Variants in COL18A1 observed in about 807,000 individuals in gnomAD.
COL18A1 encodes the protein collagen type XVIII alpha 1 chain, also known as collagen alpha-1(XVIII) chain.
COL18A1 carries 133 observed loss-of-function variants against 168.0 expected under a neutral mutation model. The observed-to-expected ratio is 0.79, with a 90% CI of 0.69 to 0.91. COL18A1 has a LOEUF of 0.91. Among genes scored for constraint, COL18A1 ranks in the 40% least tolerant of loss-of-function variants. The pLI, the probability that COL18A1 is intolerant of heterozygous loss-of-function variation, is 0.00. For synonymous variants in COL18A1, 949 were observed against 809.0 expected, an observed-to-expected ratio of 1.17 and a Z score of -2.94; for missense variants, 2,126 against 1,925.4, an observed-to-expected ratio of 1.10 and a Z score of -1.95.
At chr21:45,489,161 G>A (rs895059719) in intron 18 of COL18A1, among the ~76,000 whole-genome samples, 10 of 152,238 alleles carry the variant, frequency 6.6e-5, no homozygotes, top group African/African-American at 2.2e-4. Context: ...TCAAAAGGCT[G>A]ACTTATGGGA....
intron 2 of COL18A1, chr21:45,422,471 G>C (rs1351312526): frequency 1.9e-6 from 1 of 531,054 alleles, no homozygotes; most frequent in South Asian, 1.4e-5. Flanking sequence ...GGACAGAATA[G>C]ATGGCAGAAG....
At chr21:45,454,155 C>G (rs2034721692) in intron 2 of COL18A1, among the ~76,000 whole-genome samples, 1 of 152,216 alleles carries the variant, frequency 6.6e-6, no homozygotes, top group African/African-American at 2.4e-5. Flanking sequence ...CACTGACATG[C>G]AGATGTTTGC....
chr21:45,492,906 C>T (rs1474639284), intron 24 of COL18A1, among the ~76,000 whole-genome samples, 193 bp downstream of exon 24: 3 of 152,188 alleles, frequency 2.0e-5, no homozygotes, highest in Non-Finnish European at 4.4e-5. Context: ...TGGGTGGGCA[C>T]CCGTGAGGGT....
intron 14 of COL18A1, 77 bp from the exon 15 acceptor site, chr21:45,482,718 T>C: frequency 6.2e-7 from 1 of 1,610,000 alleles, no homozygotes; most frequent in Non-Finnish European, 8.5e-7. Context: ...GCACAGTTCC[T>C]GGCAGGGCGA....
At chr21:45,500,490 C>G (rs111164052) in intron 32 of COL18A1, among the ~76,000 whole-genome samples, 905 of 16,170 alleles carry the variant, frequency 0.056, 25 homozygotes, top group Middle Eastern at 0.071. Context: ...TGGTGTGTTG[C>G]GTGTGTAGTG....
intron 15 of COL18A1, 32 bp downstream of exon 15, chr21:45,482,853 C>T (rs1246455370): frequency 6.2e-7 from 1 of 1,614,146 alleles, no homozygotes; most frequent in Admixed American, 1.7e-5. Context: ...CATCAGTCCC[C>T]TGCCCCTGGT....
At chr21:45,411,778 A>AGGGGGG (rs1569273645) in intron 2 of COL18A1, among the ~76,000 whole-genome samples, 9 of 108,306 alleles carry the variant, frequency 8.3e-5, no homozygotes, top group African/African-American at 2.5e-4. Flanking sequence ...GGGGGGGGGC[A>AGGGGGG]GGCTGTGGTC....
At chr21:45,467,980 A>C (rs1214595376) in intron 2 of COL18A1, among the ~76,000 whole-genome samples, 1 of 152,178 alleles carries the variant, frequency 6.6e-6, no homozygotes, top group Non-Finnish European at 1.5e-5. Context: ...TGTCCCGTGC[A>C]GACACCATGT....
Position 45,405,396 on chromosome 21 carries a change from C to A in COL18A1, c.29C>A (p.Pro10Gln). The change falls in exon 2 of 42, where the codon CCG becomes CAG. Residue 10 changes from proline (P) to glutamine (Q), a missense_variant. Transcript: ENST00000651438. ...CCGCGCAGGTGCCCCTGGCCATGGC[C>A]GCGGCGGCGGCGCCTCCTGGACGTG... is the stretch of plus-strand genomic sequence containing the variant. MAPRCPWPW[P>Q]RRRRLLDVLA... The A allele has an allele frequency of 7.6e-7, 1 of 1,311,344 alleles. No individual in the cohort carries two copies. The highest frequency in any genetic ancestry group is 1.9e-5 in the South Asian group (1 of 51,542). The allele number at this position is 1,311,344 out of a possible 1,614,324, so 81.2% of individuals were successfully genotyped here.
intron 2 of COL18A1, among the ~76,000 whole-genome samples, chr21:45,441,598 C>G (rs2034371577): frequency 6.6e-6 from 1 of 152,216 alleles, no homozygotes; most frequent in African/African-American, 2.4e-5. Context: ...GTTCCCCCTG[C>G]TCCTCTCCGT....
chr21:45,455,777 C>G (rs1219111060), intron 2 of COL18A1: 5 of 1,613,590 alleles, frequency 3.1e-6, no homozygotes, highest in Non-Finnish European at 4.2e-6. Flanking sequence ...CCCTGAGCCA[C>G]CCTCAGAGCT....
chr21:45,499,962 G>A (rs1415795737), intron 32 of COL18A1, among the ~76,000 whole-genome samples: 1 of 152,202 alleles, frequency 6.6e-6, no homozygotes, highest in Non-Finnish European at 1.5e-5. Flanking sequence ...TACATCCATT[G>A]AAGGACAGAC....
intron 2 of COL18A1, among the ~76,000 whole-genome samples, chr21:45,442,196 A>G (rs1057146683): frequency 6.6e-6 from 1 of 152,006 alleles, no homozygotes; most frequent in African/African-American, 2.4e-5. Context: ...GACACTGGCC[A>G]TGACTGGATA....
At position 45,513,633 on chromosome 21, in the gene COL18A1, T is replaced by C. The variant is rs1441665870; in HGVS notation, c.*1235T>C. Reference sequence around the variant, plus strand: ...AGCCAACACGCACCTGCCTCAGGACTGCGACGAAACCGGTGGGGCTGGTTC... The same window carrying C: ...AGCCAACACGCACCTGCCTCAGGACCGCGACGAAACCGGTGGGGCTGGTTC... On this transcript the variant is annotated 3_prime_UTR_variant, in exon 42 of 42. Coordinates refer to ENST00000651438, the MANE Select transcript of COL18A1 (RefSeq NM_001379500.1). 6.6e-6 allele frequency: 1 copy of C among 152,276 alleles called. No individual in the cohort carries two copies. Among genetic ancestry groups the C allele is most frequent in the Non-Finnish European group, 1.5e-5 (1 of 68,056 alleles). The allele number at this position is 152,276 out of a possible 1,614,324, so 9.4% of individuals were successfully genotyped here. A position where few individuals can be genotyped will look rare whatever the true frequency, so the allele number is the denominator to read the frequency against.
intron 41 of COL18A1, 68 bp downstream of exon 41, chr21:45,511,294 T>C: frequency 1.2e-6 from 1 of 808,332 alleles, no homozygotes; most frequent in Non-Finnish European, 2.1e-6. Context: ...GGCGGGCTCC[T>C]ATCTGCAGTT....
At chr21:45,484,341 A>T (rs1471166840) in intron 15 of COL18A1, among the ~76,000 whole-genome samples, 2 of 137,992 alleles carry the variant, frequency 1.4e-5, no homozygotes, top group Non-Finnish European at 3.1e-5. Flanking sequence ...GCACACACAC[A>T]TCTCCAGCAT....
intron 2 of COL18A1, chr21:45,408,436 A>C (rs2033187412): frequency 6.6e-6 from 1 of 152,252 alleles, no homozygotes; most frequent in Non-Finnish European, 1.5e-5. Flanking sequence ...CCTCCCTCAG[A>C]GTGCCTTGTT....
At chr21:45,450,242 C>A (rs1243789716) in intron 2 of COL18A1, among the ~76,000 whole-genome samples, 2 of 152,108 alleles carry the variant, frequency 1.3e-5, no homozygotes, top group Non-Finnish European at 2.9e-5. Context: ...TGGGCTCGGG[C>A]GAGCATCTGG....
At chr21:45,506,098 C>T in intron 37 of COL18A1, 132 bp downstream of exon 37, 1 of 1,408,860 alleles carries the variant, frequency 7.1e-7, no homozygotes, top group Non-Finnish European at 9.9e-7. Context: ...CTTAAACTTT[C>T]AAACTTTTGG....
Sources: allele counts gnomAD v4.1 joint callset (sites outside exome capture counted in the v4.1 genomes callset), GRCh38; gene constraint gnomAD v4.1.1; transcripts MANE v1.5; gene names NCBI Gene and HGNC (gene_info 2026-07-23, HGNC 2026-07-21).